RBPMS: variants seen among roughly 807,000 people sequenced by gnomAD.
RBPMS encodes the protein RNA-binding protein with multiple splicing.
In RBPMS, 7 loss-of-function variants were observed where a neutral mutation model predicts 26.8. That is an observed-to-expected ratio of 0.26 (90% CI 0.15 to 0.49). The LOEUF (loss-of-function observed/expected upper bound fraction) is 0.49. RBPMS is among the 20% of genes least tolerant of loss of function. The pLI, the probability that RBPMS is intolerant of heterozygous loss-of-function variation, is 0.98. For missense variants in RBPMS, 186 were observed against 250.0 expected, an observed-to-expected ratio of 0.74 and a Z score of 1.73; for synonymous variants, 96 against 93.3, an observed-to-expected ratio of 1.03 and a Z score of -0.17.
chr8:30,417,254 C>G (rs150404189), intron 1 of RBPMS, among the ~76,000 whole-genome samples: 8 of 152,134 alleles, frequency 5.3e-5, no homozygotes, highest in African/African-American at 1.2e-4. Context: ...AAATATATCA[C>G]GATGACTGGA....
At chr8:30,544,849 T>A in intron 6 of RBPMS, 1 of 1,520,098 alleles carries the variant, frequency 6.6e-7, no homozygotes, top group Non-Finnish European at 8.8e-7. Context: ...AAATGACACC[T>A]CTCTCTTCCT....
intron 2 of RBPMS, among the ~76,000 whole-genome samples, chr8:30,476,085 AT>A (rs1439218008): frequency 2.0e-5 from 3 of 152,172 alleles, no homozygotes; most frequent in Non-Finnish European, 2.9e-5. Flanking sequence ...AAATACTGTT[AT>A]GTTTTGGGGT....
chr8:30,440,646 G>T (rs1007285818), intron 1 of RBPMS, among the ~76,000 whole-genome samples: 1 of 152,086 alleles, frequency 6.6e-6, no homozygotes, highest in East Asian at 1.9e-4. Flanking sequence ...ACGTCTTTTT[G>T]AGATACTGCT....
intron 1 of RBPMS, among the ~76,000 whole-genome samples, chr8:30,455,246 T>A (rs1815063599): frequency 6.6e-6 from 1 of 152,212 alleles, no homozygotes; most frequent in Non-Finnish European, 1.5e-5. Context: ...ATAATTTAAA[T>A]ACTACCCAGT....
intron 5 of RBPMS, among the ~76,000 whole-genome samples, chr8:30,511,875 A>G (rs1168151063): frequency 6.6e-6 from 1 of 152,132 alleles, no homozygotes; most frequent in East Asian, 1.9e-4. Context: ...TTGATGGCCA[A>G]GGTGCATTAA....
chr8:30,570,476 G>C (rs76495026), intron 8 of RBPMS, among the ~76,000 whole-genome samples, 161 bp from the exon 9 acceptor site: 1 of 152,294 alleles, frequency 6.6e-6, no homozygotes, highest in African/African-American at 2.4e-5. Flanking sequence ...ATCAAGGTGA[G>C]ACCACTGACA....
At chr8:30,503,128 C>T (rs1193438714) in intron 4 of RBPMS, among the ~76,000 whole-genome samples, 1 of 152,184 alleles carries the variant, frequency 6.6e-6, no homozygotes, top group African/African-American at 2.4e-5. Context: ...TTCCCCTTCC[C>T]CCCTTGTTTC....
At chr8:30,508,702 G>A (rs1821300268) in intron 5 of RBPMS, among the ~76,000 whole-genome samples, 1 of 151,736 alleles carries the variant, frequency 6.6e-6, no homozygotes, top group South Asian at 2.1e-4. Context: ...CCCAGCAAGT[G>A]TGGAGAGAGG....
chr8:30,566,311 TCAG>T lies in RBPMS; in HGVS notation c.*63_*65del, dbSNP rs1377407772. Reference sequence around the variant, plus strand: ...TGTCTTGTGGGTATTAATGCAATCTTCAGTGGTGGCTACTGTTCTCTAGCTGTT... The same window carrying T: ...TGTCTTGTGGGTATTAATGCAATCTTTGGTGGCTACTGTTCTCTAGCTGTT... On this transcript the variant is annotated 3_prime_UTR_variant, in exon 8 of 9. Transcript: ENST00000397323. 20 of 985,492 alleles carry T rather than the reference TCAG, an allele frequency of 2.0e-5. No individual in the cohort carries two copies. The highest frequency in any genetic ancestry group is 2.2e-5 in the Non-Finnish European group (18 of 829,716). The allele number at this position is 985,492 out of a possible 1,614,324, so 61.0% of individuals were successfully genotyped here.
chr8:30,432,861 A>C (rs1812080132), intron 1 of RBPMS, among the ~76,000 whole-genome samples: 1 of 152,238 alleles, frequency 6.6e-6, no homozygotes, highest in Admixed American at 6.5e-5. Flanking sequence ...CCTAAATTGC[A>C]ACATAAGGAA....
At chr8:30,410,669 A>G (rs1468783870) in intron 1 of RBPMS, among the ~76,000 whole-genome samples, 3 of 151,166 alleles carry the variant, frequency 2.0e-5, no homozygotes, top group African/African-American at 4.9e-5. Flanking sequence ...TATGGTATAG[A>G]TGGTCAATAA....
At chr8:30,452,541 A>G (rs1255676539) in intron 1 of RBPMS, among the ~76,000 whole-genome samples, 1 of 152,208 alleles carries the variant, frequency 6.6e-6, no homozygotes, top group Non-Finnish European at 1.5e-5. Context: ...CCCCTACAAG[A>G]ATTCTTAAAA....
At chr8:30,448,642 G>C (rs1180908444) in intron 1 of RBPMS, among the ~76,000 whole-genome samples, 1 of 152,188 alleles carries the variant, frequency 6.6e-6, no homozygotes, top group East Asian at 1.9e-4. Flanking sequence ...GGGTATAATG[G>C]TTGACAGCTC....
chr8:30,451,291 T>G lies in RBPMS; in HGVS notation c.67-23488T>G, dbSNP rs373230223. 3.3e-4 allele frequency among the ~76,000 whole-genome samples: 51 copies of G among 152,358 alleles called. No homozygotes were observed. In the East Asian group the frequency reaches 9.1e-3, roughly 27 times the overall value. ...AAATCGTTGAATCATATCCTGTCAT[T>G]GGCTGTTCTGTTTATAATAAACTTC... On this transcript the variant is annotated intron_variant, in intron 1 of 8. Transcript: ENST00000397323.
At chr8:30,545,561 C>T (rs1263778331) in intron 6 of RBPMS, 12 of 525,488 alleles carry the variant, frequency 2.3e-5, no homozygotes, top group East Asian at 3.0e-4. Context: ...GCAGAGTTTT[C>T]GTTTGCCTGT....
intron 8 of RBPMS, among the ~76,000 whole-genome samples, chr8:30,569,180 C>A (rs1315227241): frequency 6.6e-6 from 1 of 152,230 alleles, no homozygotes; most frequent in East Asian, 1.9e-4. Context: ...AGGCCAGACA[C>A]CATCAACCCC....
intron 1 of RBPMS, among the ~76,000 whole-genome samples, chr8:30,443,755 G>A (rs1416345210): frequency 2.0e-5 from 3 of 149,820 alleles, no homozygotes; most frequent in Admixed American, 1.3e-4. Flanking sequence ...CCACCACCAC[G>A]TCCAGCGAAT....
intron 1 of RBPMS, among the ~76,000 whole-genome samples, chr8:30,438,496 T>C (rs1812723134): frequency 6.6e-6 from 1 of 152,214 alleles, no homozygotes; most frequent in African/African-American, 2.4e-5. Flanking sequence ...AAAGCTTAAC[T>C]GACTACCTCT....
chr8:30,537,543 A>G (rs1015431424), intron 5 of RBPMS: 1 of 454,526 alleles, frequency 2.2e-6, no homozygotes, highest in African/African-American at 2.0e-5. Context: ...CATAGAGAAT[A>G]TGTCTTTACA....
Sources: gnomAD v4.1 joint callset for allele counts (sites outside exome capture counted in the v4.1 genomes callset) on GRCh38, gnomAD v4.1.1 for gene constraint, MANE v1.5 for transcripts, NCBI Gene and HGNC (gene_info 2026-07-23, HGNC 2026-07-21) for gene names.